The following PDE4D variants were observed in gnomAD, a reference collection of about 807,000 sequenced individuals.
The protein encoded by PDE4D is phosphodiesterase 4D, also known as 3',5'-cyclic-AMP phosphodiesterase 4D.
A neutral mutation model predicts 87.4 loss-of-function variants in PDE4D; 24 were observed. That is an observed-to-expected ratio of 0.27 (90% CI 0.20 to 0.39). The LOEUF is 0.39. Among genes scored for constraint, PDE4D ranks in the 10% least tolerant of loss-of-function variants. The pLI is 1.00. For synonymous variants in PDE4D, 384 were observed against 383.2 expected, an observed-to-expected ratio of 1.00 and a Z score of -0.02; for missense variants, 714 against 1,041.0, an observed-to-expected ratio of 0.69 and a Z score of 4.32.
chr5:59,710,947 AG>A (rs1754116348), intron 1 of PDE4D, among the ~76,000 whole-genome samples: 1 of 152,198 alleles, frequency 6.6e-6, no homozygotes, highest in Non-Finnish European at 1.5e-5. Flanking sequence ...TACATTTTAC[AG>A]GGAAAGGAAG....
At chr5:59,346,238 A>C (rs1326043539) in intron 1 of PDE4D, among the ~76,000 whole-genome samples, 3 of 152,174 alleles carry the variant, frequency 2.0e-5, no homozygotes, top group Non-Finnish European at 4.4e-5. Flanking sequence ...GGGAGCTGGT[A>C]ATATTTTGAT....
chr5:60,121,170 A>G, intron 2 of PDE4D, among the ~76,000 whole-genome samples: 1 of 151,478 alleles, frequency 6.6e-6, no homozygotes, highest in East Asian at 1.9e-4. Flanking sequence ...GTGAGTTAAT[A>G]CTATATATAT....
chr5:60,518,123 T>A (rs113081673), intron 1 of PDE4D, among the ~76,000 whole-genome samples: 2,515 of 152,294 alleles, frequency 0.017, 28 homozygotes, highest in Middle Eastern at 0.037. Flanking sequence ...AGCACTTGTG[T>A]CGGCATCTGG....
intron 1 of PDE4D, among the ~76,000 whole-genome samples, chr5:59,304,305 T>G (rs1293789840): frequency 1.3e-5 from 2 of 152,070 alleles, no homozygotes; most frequent in Non-Finnish European, 2.9e-5. Context: ...GAGGAGTTCT[T>G]AGAGTTTTCA....
intron 1 of PDE4D, among the ~76,000 whole-genome samples, chr5:59,705,649 C>A (rs537718322): frequency 3.9e-5 from 6 of 152,256 alleles, no homozygotes; most frequent in African/African-American, 1.4e-4. Context: ...ACCTTTCCTG[C>A]TAATGTGCCC....
chr5:60,470,225 C>G (rs1747711491), intron 1 of PDE4D, among the ~76,000 whole-genome samples: 1 of 152,180 alleles, frequency 6.6e-6, no homozygotes, highest in Non-Finnish European at 1.5e-5. Context: ...GGCCCTAACT[C>G]TTCAATTCTA....
At chr5:60,071,240 A>C (rs1294208825) in intron 2 of PDE4D, among the ~76,000 whole-genome samples, 1 of 151,736 alleles carries the variant, frequency 6.6e-6, no homozygotes, top group African/African-American at 2.4e-5. Context: ...ATTTGGCCTT[A>C]GTCTGTTGTT....
chr5:60,356,871 A>G, intron 1 of PDE4D, among the ~76,000 whole-genome samples: 1 of 152,178 alleles, frequency 6.6e-6, no homozygotes, highest in East Asian at 1.9e-4. Flanking sequence ...TTAGTGCATC[A>G]TGTCTGGCTG....
chr5:59,562,007 A>G (rs1249243385), intron 1 of PDE4D, among the ~76,000 whole-genome samples: 4 of 151,968 alleles, frequency 2.6e-5, no homozygotes, highest in Non-Finnish European at 5.9e-5. Flanking sequence ...CATGCATTTT[A>G]TTCTTTGTAC....
At chr5:59,428,326 T>C (rs1212520151) in intron 1 of PDE4D, among the ~76,000 whole-genome samples, 1 of 152,158 alleles carries the variant, frequency 6.6e-6, no homozygotes, top group African/African-American at 2.4e-5. Flanking sequence ...TTTTATCTTT[T>C]ATTTTTTGTC....
intron 1 of PDE4D, among the ~76,000 whole-genome samples, chr5:59,657,861 C>T (rs954680727): frequency 6.6e-6 from 1 of 152,148 alleles, no homozygotes; most frequent in Non-Finnish European, 1.5e-5. Flanking sequence ...TTTTATTGTA[C>T]AAACACTGTT....
chr5:59,745,747 C>CA (rs911188878), intron 1 of PDE4D, among the ~76,000 whole-genome samples: 20 of 149,040 alleles, frequency 1.3e-4, no homozygotes, highest in African/African-American at 2.2e-4. Flanking sequence ...TTCCTTAGGG[C>CA]AAAAAAAAAG....
At chr5:59,458,882 T>C (rs964979578) in intron 1 of PDE4D, among the ~76,000 whole-genome samples, 4 of 152,208 alleles carry the variant, frequency 2.6e-5, no homozygotes, top group African/African-American at 4.8e-5. Flanking sequence ...CATATTTTAT[T>C]GGCAATGCAA....
intron 1 of PDE4D, among the ~76,000 whole-genome samples, chr5:59,416,124 A>C (rs1241377943): frequency 6.6e-6 from 1 of 152,192 alleles, no homozygotes; most frequent in African/African-American, 2.4e-5. Context: ...CCGGGTCAAC[A>C]ATTTCACAGT....
chr5:59,189,764 G>T (rs948979369), intron 3 of PDE4D, among the ~76,000 whole-genome samples: 3 of 152,254 alleles, frequency 2.0e-5, no homozygotes, highest in Non-Finnish European at 4.4e-5. Context: ...AAACACAAGA[G>T]AATACTTTAA....
At chr5:59,156,320 A>AAATAT (rs548335725) in intron 5 of PDE4D, among the ~76,000 whole-genome samples, 36 of 81,772 alleles carry the variant, frequency 4.4e-4, no homozygotes, top group East Asian at 1.2e-3. Flanking sequence ...AAAAAAAAAA[A>AAATAT]ATATATATAT....
chr5:60,159,534 A>G (rs1782293998), intron 2 of PDE4D, among the ~76,000 whole-genome samples: 1 of 152,092 alleles, frequency 6.6e-6, no homozygotes, highest in African/African-American at 2.4e-5. Context: ...GCATCACCAT[A>G]AACATATGAG....
chr5:60,311,024 T>C (rs1754983723), intron 1 of PDE4D, among the ~76,000 whole-genome samples: 1 of 151,866 alleles, frequency 6.6e-6, no homozygotes, highest in Non-Finnish European at 1.5e-5. Flanking sequence ...AAGTCTTTTT[T>C]TTTTTTTTTT....
At chr5:59,925,091 C>T (rs1007350166) in intron 3 of PDE4D, among the ~76,000 whole-genome samples, 5 of 142,162 alleles carry the variant, frequency 3.5e-5, no homozygotes, top group East Asian at 2.2e-4. Context: ...AGGAGAATGG[C>T]GTGAACCCAG....
Sources: gnomAD v4.1 joint callset for allele counts (sites outside exome capture counted in the v4.1 genomes callset) on GRCh38, gnomAD v4.1.1 for gene constraint, MANE v1.5 for transcripts, NCBI Gene and HGNC (gene_info 2026-07-23, HGNC 2026-07-21) for gene names.